THSD7B: variants seen among roughly 807,000 people sequenced by gnomAD.
THSD7B encodes the protein thrombospondin type 1 domain containing 7B.
Under a neutral mutation model 213.6 loss-of-function variants are expected in THSD7B, and 138 were observed. The ratio of observed to expected loss-of-function variants is 0.65; its 90% CI spans 0.56 to 0.74. The LOEUF is 0.74. Among genes scored for constraint, THSD7B ranks in the 30% least tolerant of loss-of-function variants. The pLI, the probability that THSD7B is intolerant of heterozygous loss-of-function variation, is 0.00. For synonymous variants in THSD7B, 742 were observed against 687.0 expected, an observed-to-expected ratio of 1.08 and a Z score of -1.25; for missense variants, 1,931 against 1,991.5, an observed-to-expected ratio of 0.97 and a Z score of 0.58.
chr2:137,622,571 TAGAC>T (rs1682540938), intron 20 of THSD7B, among the ~76,000 whole-genome samples: 1 of 152,056 alleles, frequency 6.6e-6, no homozygotes, highest in Non-Finnish European at 1.5e-5. Context: ...ACAAAATTGA[TAGAC>T]AGCTGGCAAG....
chr2:136,856,881 G>C (rs1289622085), intron 1 of THSD7B, among the ~76,000 whole-genome samples: 3 of 152,156 alleles, frequency 2.0e-5, no homozygotes, highest in African/African-American at 7.2e-5. Flanking sequence ...CTTCAGTTTA[G>C]TATTTTCTCC....
rs558986941 is a variant in THSD7B, at chr2:137,579,762, G to C, written c.3423+7206G>C. ...ATTTGGAATTCAGTACTTTCAAGTC[G>C]GCTGTCAGTTATCAGATAAGTTTTC... is the stretch of plus-strand genomic sequence containing the variant. On this transcript the variant is annotated intron_variant, in intron 17 of 27. Coordinates refer to ENST00000409968, the MANE Select transcript of THSD7B (RefSeq NM_001316349.2). Among the ~76,000 whole-genome samples, 94 of 152,092 alleles carry C rather than the reference G, an allele frequency of 6.2e-4. 1 individual carries two copies. Among genetic ancestry groups the C allele is most frequent in the African/African-American group, 2.2e-3 (91 of 41,516 alleles).
At position 137,363,861 on chromosome 2, in the gene THSD7B, A is replaced by G. The variant is rs547513354; in HGVS notation, c.2501-41752A>G. Among the ~76,000 whole-genome samples the G allele has an allele frequency of 2.6e-5, 4 of 152,348 alleles. No homozygotes were observed. The East Asian group carries it at 7.7e-4, about 29-fold the overall frequency. ...TCTGAAACTATTCCAATCAATAGAA[A>G]AAGGGGGAATCCCCCCTAACTCATT... On this transcript the variant is annotated intron_variant, in intron 12 of 27. Coordinates refer to ENST00000409968, the MANE Select transcript of THSD7B (RefSeq NM_001316349.2).
intron 3 of THSD7B, among the ~76,000 whole-genome samples, chr2:137,072,378 G>T (rs1218864150): frequency 6.6e-6 from 1 of 151,622 alleles, no homozygotes; most frequent in Non-Finnish European, 1.5e-5. Context: ...AGTTGTGAAT[G>T]GGAGTTTACT....
chr2:137,552,051 A>G (rs1288840753), intron 15 of THSD7B, among the ~76,000 whole-genome samples: 1 of 152,152 alleles, frequency 6.6e-6, no homozygotes. Flanking sequence ...CTAACCCACC[A>G]TCTTCCCACA....
At chr2:137,028,605 A>T (rs1447203872) in intron 2 of THSD7B, among the ~76,000 whole-genome samples, 1 of 152,224 alleles carries the variant, frequency 6.6e-6, no homozygotes, top group Non-Finnish European at 1.5e-5. Context: ...TACAGGGATA[A>T]ATTGGACAGA....
chr2:137,298,854 G>A (rs1318649737), intron 12 of THSD7B, among the ~76,000 whole-genome samples: 1 of 152,208 alleles, frequency 6.6e-6, no homozygotes, highest in African/African-American at 2.4e-5. Flanking sequence ...CCAGGCAGAA[G>A]TTTGCTGCAG....
At chr2:136,795,074 A>G (rs1682037706) in intron 1 of THSD7B, among the ~76,000 whole-genome samples, 1 of 151,940 alleles carries the variant, frequency 6.6e-6, no homozygotes, top group African/African-American at 2.4e-5. Flanking sequence ...TCTTACAGCC[A>G]ACTGTATTAA....
At chr2:137,653,892 T>C (rs1039097635) in intron 21 of THSD7B, among the ~76,000 whole-genome samples, 1 of 152,094 alleles carries the variant, frequency 6.6e-6, no homozygotes, top group South Asian at 2.1e-4. Flanking sequence ...AGAGCTCACA[T>C]ATCCATGTTG....
intron 12 of THSD7B, among the ~76,000 whole-genome samples, chr2:137,373,506 C>G (rs189066396): frequency 0.032 from 4,831 of 152,104 alleles, 264 homozygotes; most frequent in African/African-American, 0.11. Flanking sequence ...CTTTTGAGAA[C>G]TGTCTGTTCA....
At chr2:137,252,872 A>G (rs535803952) in intron 10 of THSD7B, among the ~76,000 whole-genome samples, 1 of 135,578 alleles carries the variant, frequency 7.4e-6, no homozygotes, top group African/African-American at 2.9e-5. Context: ...GTGCTAAACT[A>G]TTGGAAGAGA....
chr2:136,838,000 T>C (rs941665280), intron 1 of THSD7B, among the ~76,000 whole-genome samples: 1 of 152,228 alleles, frequency 6.6e-6, no homozygotes. Context: ...ATTTGCTTCA[T>C]TCTCTTGACC....
chr2:136,812,302 G>A (rs1249134521), intron 1 of THSD7B, among the ~76,000 whole-genome samples: 1 of 152,128 alleles, frequency 6.6e-6, no homozygotes, highest in African/African-American at 2.4e-5. Flanking sequence ...TAATTGTCAT[G>A]AAAAATTTTA....
At chr2:137,371,143 G>A (rs1344863392) in intron 12 of THSD7B, among the ~76,000 whole-genome samples, 3 of 151,972 alleles carry the variant, frequency 2.0e-5, no homozygotes, top group Admixed American at 6.6e-5. Context: ...ACTCAACCTT[G>A]ATATTTAGTG....
Position 137,677,237 on chromosome 2 carries a change from G to T in THSD7B, c.*632G>T, listed in dbSNP as rs911403514. On this transcript the variant is annotated 3_prime_UTR_variant, in exon 28 of 28. Coordinates refer to ENST00000409968, the MANE Select transcript of THSD7B (RefSeq NM_001316349.2). The stretch of plus-strand genomic sequence containing the variant: ...GGTTGCAGCTACTGAAAATAGCAGC[G>T]TGTGTGTAATTGCTGGACTAGATGA... 6.6e-6 allele frequency: 1 copy of T among 152,646 alleles called. No individual in the cohort carries two copies. Among genetic ancestry groups the T allele is most frequent in the African/African-American group, 2.4e-5 (1 of 41,450 alleles). 9.5% of individuals were successfully genotyped at this position (152,646 alleles called of 1,614,324 possible).
chr2:137,653,979 G>A (rs1683186296), intron 21 of THSD7B, among the ~76,000 whole-genome samples: 1 of 151,636 alleles, frequency 6.6e-6, no homozygotes, highest in Non-Finnish European at 1.5e-5. Flanking sequence ...TTTTTTAATG[G>A]ACGTACCTCT....
chr2:137,373,086 C>A (rs1260660053), intron 12 of THSD7B, among the ~76,000 whole-genome samples: 3 of 151,940 alleles, frequency 2.0e-5, no homozygotes, highest in Non-Finnish European at 4.4e-5. Context: ...TTTTCTTAAT[C>A]CAGTCTATCA....
At chr2:137,625,604 T>A (rs1459053285) in intron 20 of THSD7B, among the ~76,000 whole-genome samples, 1 of 152,234 alleles carries the variant, frequency 6.6e-6, no homozygotes, top group East Asian at 1.9e-4. Flanking sequence ...GTCCTGGGCA[T>A]ACTGGTGCAA....
intron 12 of THSD7B, among the ~76,000 whole-genome samples, chr2:137,276,306 G>A (rs1682870507): frequency 6.7e-6 from 1 of 149,740 alleles, no homozygotes; most frequent in South Asian, 2.1e-4. Flanking sequence ...CCAAATGCAT[G>A]TTAGATATTA....
Sources: allele counts gnomAD v4.1 joint callset (sites outside exome capture counted in the v4.1 genomes callset), GRCh38; gene constraint gnomAD v4.1.1; transcripts MANE v1.5; gene names NCBI Gene and HGNC (gene_info 2026-07-23, HGNC 2026-07-21).